The following RXFP1 variants were observed in gnomAD, a reference collection of about 807,000 sequenced individuals.
RXFP1 encodes the protein relaxin family peptide receptor 1.
A neutral mutation model predicts 89.8 loss-of-function variants in RXFP1; 73 were observed. The ratio of observed to expected loss-of-function variants is 0.81; its 90% CI spans 0.67 to 0.99. The LOEUF (loss-of-function observed/expected upper bound fraction) is 0.99, where lower values mean the gene tolerates loss of function less well. RXFP1 is among the 50% of genes least tolerant of loss of function. The pLI, the probability that RXFP1 is intolerant of heterozygous loss-of-function variation, is 0.00. For synonymous variants in RXFP1, 277 were observed against 305.5 expected (o/e 0.91, Z 0.97); for missense variants, 793 against 895.5 (o/e 0.89, Z 1.46).
intron 2 of RXFP1, among the ~76,000 whole-genome samples, chr4:158,578,132 TATA>T (rs1353426253): frequency 6.6e-6 from 1 of 152,218 alleles, no homozygotes; most frequent in Non-Finnish European, 1.5e-5. Context: ...ACACTATTTT[TATA>T]ATAACTTTGA....
At chr4:158,592,178 T>C (rs1759607140) in intron 2 of RXFP1, among the ~76,000 whole-genome samples, 1 of 152,132 alleles carries the variant, frequency 6.6e-6, no homozygotes, top group Admixed American at 6.5e-5. Flanking sequence ...GAAATATATA[T>C]ATAAGCACTC....
chr4:158,603,157 G>T (rs1476474603), intron 4 of RXFP1, among the ~76,000 whole-genome samples: 1 of 152,062 alleles, frequency 6.6e-6, no homozygotes, highest in African/African-American at 2.4e-5. Flanking sequence ...TTGCCAAGCT[G>T]GTCTTGAACT....
intron 1 of RXFP1, among the ~76,000 whole-genome samples, chr4:158,553,208 G>T (rs1261921025): frequency 1.3e-5 from 2 of 152,004 alleles, no homozygotes; most frequent in Non-Finnish European, 2.9e-5. Flanking sequence ...AACAATATCA[G>T]AGACACCAGT....
intron 2 of RXFP1, among the ~76,000 whole-genome samples, chr4:158,586,683 A>G (rs546825966): frequency 2.6e-5 from 4 of 152,308 alleles, no homozygotes; most frequent in Admixed American, 6.5e-5. Context: ...CCCATGTTCT[A>G]TATTTCTGCT....
chr4:158,639,425 A>T (rs1421987227), intron 14 of RXFP1, 94 bp downstream of exon 14: 1 of 739,132 alleles, frequency 1.4e-6, no homozygotes, highest in Non-Finnish European at 2.3e-6. Flanking sequence ...ATTTTCTACT[A>T]ATTTGCCAGC....
intron 1 of RXFP1, among the ~76,000 whole-genome samples, chr4:158,547,770 T>A (rs1247748679): frequency 4.6e-5 from 7 of 152,244 alleles, no homozygotes; most frequent in Admixed American, 1.3e-4. Context: ...TTGAGTGAGT[T>A]TCTTAGTCCT....
In RXFP1 at chr4:158,651,916, C is replaced by G; in HGVS notation, c.2135C>G (p.Thr712Arg). ...RKSMDSKGQK[T>R]YAPSFIWVEM... is the part of the protein sequence containing the mutation. Reference sequence around the variant, plus strand: ...TCTATGGACAGCAAAGGTCAGAAAACATATGCTCCATCATTCATCTGGGTG... The same window carrying G: ...TCTATGGACAGCAAAGGTCAGAAAAGATATGCTCCATCATTCATCTGGGTG... The change falls in exon 18 of 18, where the codon ACA becomes AGA. Residue 712 changes from threonine to arginine, a missense_variant. By Grantham distance (71) the Thr-to-Arg change is moderately conservative. Coordinates refer to ENST00000307765, the MANE Select transcript of RXFP1 (RefSeq NM_021634.4). 6.2e-7 allele frequency: 1 copy of G among 1,614,142 alleles called. No homozygotes were observed. Among genetic ancestry groups the G allele is most frequent in the Non-Finnish European group, 8.5e-7 (1 of 1,180,024 alleles).
intron 2 of RXFP1, among the ~76,000 whole-genome samples, chr4:158,588,036 T>C (rs1758644321): frequency 6.6e-6 from 1 of 152,010 alleles, no homozygotes; most frequent in Non-Finnish European, 1.5e-5. Context: ...AGGAAGACAG[T>C]CCAATGCCAT....
intron 1 of RXFP1, among the ~76,000 whole-genome samples, chr4:158,557,106 A>G (rs540368734): frequency 6.6e-6 from 1 of 152,346 alleles, no homozygotes; most frequent in South Asian, 2.1e-4. Context: ...GAAATGATAA[A>G]TACATGAGAT....
intron 11 of RXFP1, among the ~76,000 whole-genome samples, chr4:158,630,208 C>G (rs1331589495): frequency 6.6e-6 from 1 of 152,050 alleles, no homozygotes; most frequent in East Asian, 1.9e-4. Context: ...CATTAAAAAC[C>G]CAACATTTTA....
intron 1 of RXFP1, among the ~76,000 whole-genome samples, chr4:158,551,693 C>A (rs761525936): frequency 6.6e-6 from 1 of 152,156 alleles, no homozygotes; most frequent in Non-Finnish European, 1.5e-5. Context: ...GTAATCCCAG[C>A]ACTTTGAGCG....
chr4:158,557,508 T>C (rs1434567808), intron 1 of RXFP1, among the ~76,000 whole-genome samples: 2 of 152,198 alleles, frequency 1.3e-5, no homozygotes, highest in African/African-American at 4.8e-5. Flanking sequence ...TTTGTTTGTT[T>C]GGAGGCAGGG....
intron 5 of RXFP1, among the ~76,000 whole-genome samples, chr4:158,605,408 C>T (rs1044002270): frequency 1.3e-5 from 2 of 152,146 alleles, no homozygotes; most frequent in African/African-American, 2.4e-5. Flanking sequence ...TCCCCCAAAA[C>T]GGAGATACTT....
intron 1 of RXFP1, among the ~76,000 whole-genome samples, chr4:158,528,072 C>T (rs1469663547): frequency 6.6e-6 from 1 of 152,200 alleles, no homozygotes; most frequent in African/African-American, 2.4e-5. Context: ...TATAATCCCT[C>T]TTCACATACC....
chr4:158,579,765 A>G (rs554579064), intron 2 of RXFP1, among the ~76,000 whole-genome samples: 6 of 152,230 alleles, frequency 3.9e-5, no homozygotes, highest in Non-Finnish European at 5.9e-5. Flanking sequence ...AGAATTTCCA[A>G]TGAGCTGTTC....
rs568745039 is a variant in RXFP1 at position 158,545,404 on chromosome 4, G to C, written c.49+23379G>C. Among the ~76,000 whole-genome samples, 4 of 152,232 alleles carry C rather than the reference G, an allele frequency of 2.6e-5. No homozygotes were observed. In the South Asian group the frequency reaches 8.3e-4, roughly 32 times the overall value. On this transcript the variant is annotated intron_variant, in intron 1 of 17. Coordinates refer to ENST00000307765, the MANE Select transcript of RXFP1 (RefSeq NM_021634.4). ...TTTTCTCCCATTTTGTAGGTTGTCT[G>C]TTCACTCTGATGGTAGTTTCTTTTG...
At chr4:158,646,375 T>G (rs1385884903) in intron 15 of RXFP1, 104 of 662,798 alleles carry the variant, frequency 1.6e-4, no homozygotes, top group Non-Finnish European at 2.2e-4. Flanking sequence ...TATGACACCT[T>G]GAGCTTGTTG....
chr4:158,593,513 G>A lies in RXFP1; in HGVS notation c.286+14G>A. ...CACCTGAATGTTGTAAGTAATCAGA[G>A]CAGTTATTTTCTTTTCCATGAGTTC... On this transcript the variant is annotated intron_variant, in intron 3 of 17. Transcript: ENST00000307765. 6.7e-7 allele frequency: 1 copy of A among 1,488,696 alleles called. No homozygotes were observed. Among genetic ancestry groups the A allele is most frequent in the Non-Finnish European group, 9.3e-7 (1 of 1,078,078 alleles). The allele number at this position is 1,488,696 out of a possible 1,614,324, so 92.2% of individuals were successfully genotyped here.
chr4:158,540,111 G>A lies in RXFP1; in HGVS notation c.49+18086G>A, dbSNP rs1387598124. ...GGGTCCCGATCTAGACCCCAATATA[G>A]GGTTCTTGCATCTCACGCAAGAAAG... On this transcript the variant is annotated intron_variant, in intron 1 of 17. Transcript: ENST00000307765. Among the ~76,000 whole-genome samples the A allele has an allele frequency of 2.0e-5, 3 of 152,126 alleles. No individual in the cohort carries two copies. In the East Asian group the frequency reaches 5.8e-4, roughly 29 times the overall value.
Sources: allele counts gnomAD v4.1 joint callset (sites outside exome capture counted in the v4.1 genomes callset), GRCh38; gene constraint gnomAD v4.1.1; transcripts MANE v1.5; gene names NCBI Gene and HGNC (gene_info 2026-07-23, HGNC 2026-07-21).